The following SF3A1 variants were observed in gnomAD, a reference collection of about 807,000 sequenced individuals.
The protein encoded by SF3A1 is splicing factor 3a subunit 1.
Under a neutral mutation model 89.9 loss-of-function variants are expected in SF3A1, and 13 were observed. That is an observed-to-expected ratio of 0.14 (90% CI 0.09 to 0.23). SF3A1 has a LOEUF of 0.23. Ranked by LOEUF, SF3A1 falls within the 10% of genes least tolerant of loss-of-function variation. The pLI is 1.00. For missense variants in SF3A1, 604 were observed against 1,022.1 expected (o/e 0.59, Z 5.58); for synonymous variants, 405 against 374.4 (o/e 1.08, Z -0.94).
intron 11 of SF3A1, among the ~76,000 whole-genome samples, chr22:30,338,429 G>C (rs147044423): frequency 0.04 from 5,817 of 147,012 alleles, 329 homozygotes; most frequent in African/African-American, 0.14. Flanking sequence ...TTGCACTCCA[G>C]CCTGGGCGAC....
intron 6 of SF3A1, 144 bp downstream of exon 6, chr22:30,342,056 C>A (rs1403841034): frequency 8.3e-7 from 1 of 1,199,336 alleles, no homozygotes; most frequent in Non-Finnish European, 1.2e-6. Flanking sequence ...AGTGGTAGAA[C>A]TGAAGTCTTT....
chr22:30,351,983 A>G (rs1446684988), intron 2 of SF3A1, among the ~76,000 whole-genome samples: 1 of 152,238 alleles, frequency 6.6e-6, no homozygotes, highest in African/African-American at 2.4e-5. Context: ...ATGTGAGGGT[A>G]AGTACAGTGG....
chr22:30,347,652 C>G (rs1173693230), intron 2 of SF3A1, among the ~76,000 whole-genome samples: 1 of 152,178 alleles, frequency 6.6e-6, no homozygotes, highest in Non-Finnish European at 1.5e-5. Context: ...ATATACAACA[C>G]CTGTGTCAGT....
intron 2 of SF3A1, among the ~76,000 whole-genome samples, chr22:30,347,703 G>A (rs57907583): frequency 0.023 from 3,496 of 152,286 alleles, 143 homozygotes; most frequent in African/African-American, 0.08. Context: ...ATATGAACAC[G>A]TTCAAGTCTC....
intron 3 of SF3A1, among the ~76,000 whole-genome samples, chr22:30,346,005 C>T (rs1260431561): frequency 1.3e-5 from 2 of 152,116 alleles, no homozygotes; most frequent in Non-Finnish European, 2.9e-5. Context: ...CCCTCACACC[C>T]TGAGCAAGGC....
intron 13 of SF3A1, among the ~76,000 whole-genome samples, chr22:30,336,093 G>C (rs149466560): frequency 5.3e-5 from 8 of 152,146 alleles, no homozygotes; most frequent in African/African-American, 1.9e-4. Context: ...CAGCTAACAA[G>C]GTTTGTCTGA....
chr22:30,347,055 T>G (rs542189765), intron 2 of SF3A1, among the ~76,000 whole-genome samples: 7 of 152,052 alleles, frequency 4.6e-5, no homozygotes, highest in South Asian at 2.1e-4. Context: ...GTCCTCTGAG[T>G]AACAAGAAAG....
At chr22:30,340,904 T>A in intron 7 of SF3A1, 92 bp from the exon 8 acceptor site, 1 of 780,254 alleles carries the variant, frequency 1.3e-6, no homozygotes, top group Non-Finnish European at 2.2e-6. Context: ...CAAGGAGCCT[T>A]GGCCTCTGCC....
At chr22:30,341,573 CAG>C in intron 7 of SF3A1, 117 bp downstream of exon 7, 1 of 541,806 alleles carries the variant, frequency 1.8e-6, no homozygotes, top group Non-Finnish European at 3.2e-6. Flanking sequence ...TGGCCTTGTT[CAG>C]GACCCACGCC....
At chr22:30,336,971 G>T (rs111726482) in intron 13 of SF3A1, 55 bp downstream of exon 13, 1 of 1,605,362 alleles carries the variant, frequency 6.2e-7, no homozygotes, top group Admixed American at 1.7e-5. Context: ...TGTACGACAG[G>T]GGCGGGACTG....
At chr22:30,340,418 G>A (rs749014359) in intron 8 of SF3A1, 37 bp from the exon 9 acceptor site, 4 of 1,600,622 alleles carry the variant, frequency 2.5e-6, no homozygotes, top group Admixed American at 1.7e-5. Context: ...GAACACTGGT[G>A]GGCAGCCACC....
rs1930956551 is a variant in SF3A1 at position 30,332,850 on chromosome 22, A to G, written c.*1744T>C. The stretch of plus-strand genomic sequence containing the variant: ...CTGGCCTCCGGTCACAGCCTCAGCC[A>G]CGGAAGTCCTGCAGGGTTTGCCAGT... On this transcript the variant is annotated 3_prime_UTR_variant, in exon 16 of 16. Transcript: ENST00000215793. 6.6e-6 allele frequency: 1 copy of G among 152,266 alleles called. No homozygotes were observed. Among genetic ancestry groups the G allele is most frequent in the South Asian group, 2.1e-4 (1 of 4,836 alleles). The allele number at this position is 152,266 out of a possible 1,614,324, so 9.4% of individuals were successfully genotyped here.
At chr22:30,355,814 T>TCCC (rs1304859430) in intron 1 of SF3A1, among the ~76,000 whole-genome samples, 2 of 66,270 alleles carry the variant, frequency 3.0e-5, no homozygotes, top group Non-Finnish European at 5.5e-5. Flanking sequence ...TTCAGTCATG[T>TCCC]TCCCCCCCCC....
intron 11 of SF3A1, 51 bp from the exon 12 acceptor site, chr22:30,337,948 A>T: frequency 7.4e-7 from 1 of 1,353,128 alleles, no homozygotes; most frequent in Non-Finnish European, 1.0e-6. Context: ...TTGGACTCCA[A>T]GGTCACACAC....
chr22:30,340,390 A>G lies in SF3A1; in HGVS notation c.1190-9T>C, dbSNP rs757286253. 2 of 1,610,898 alleles carry G rather than the reference A, an allele frequency of 1.2e-6. No homozygotes were observed. Among genetic ancestry groups the G allele is most frequent in the African/African-American group, 2.7e-5 (2 of 74,664 alleles). On this transcript the variant is annotated splice_polypyrimidine_tract_variant and intron_variant, in intron 8 of 15. Coordinates refer to ENST00000215793, the MANE Select transcript of SF3A1 (RefSeq NM_005877.6). ...AGGCAAGGGCTTGGAGGCTAAAAGGAAACAGATGTTTCAGTAAGAACACTG... is the reference window on the plus strand; with the variant it reads ...AGGCAAGGGCTTGGAGGCTAAAAGGGAACAGATGTTTCAGTAAGAACACTG...
intron 2 of SF3A1, among the ~76,000 whole-genome samples, chr22:30,348,559 A>G (rs1931489329): frequency 6.6e-6 from 1 of 152,146 alleles, no homozygotes; most frequent in Admixed American, 6.5e-5. Context: ...CAGATCAACC[A>G]CCACAGCAAT....
At chr22:30,340,975 C>G (rs1181483677) in intron 7 of SF3A1, among the ~76,000 whole-genome samples, 163 bp from the exon 8 acceptor site, 1 of 152,186 alleles carries the variant, frequency 6.6e-6, no homozygotes, top group East Asian at 1.9e-4. Flanking sequence ...GCAGGCCAAG[C>G]TGCTTCCTCA....
In SF3A1 at chr22:30,334,796, A is replaced by G. The variant is rs1931017724; in HGVS notation, c.2281-101T>C. 4 of 757,224 alleles carry G rather than the reference A, an allele frequency of 5.3e-6. No homozygotes were observed. The Admixed American group carries it at 1.1e-4, about 21-fold the overall frequency. 46.9% of individuals were successfully genotyped at this position (757,224 alleles called of 1,614,324 possible). A position where few individuals can be genotyped will look rare whatever the true frequency, so the allele number is the denominator to read the frequency against. On this transcript the variant is annotated intron_variant, in intron 15 of 15. Coordinates refer to ENST00000215793, the MANE Select transcript of SF3A1 (RefSeq NM_005877.6). ...CTTGGTCTGTTTGCGCTCTGGACTTAGCAAATACAGGAGCTTGTGAGAAGG... is the reference window on the plus strand; with the variant it reads ...CTTGGTCTGTTTGCGCTCTGGACTTGGCAAATACAGGAGCTTGTGAGAAGG...
At chr22:30,347,800 A>G (rs967376336) in intron 2 of SF3A1, among the ~76,000 whole-genome samples, 1 of 152,176 alleles carries the variant, frequency 6.6e-6, no homozygotes, top group Admixed American at 6.5e-5. Context: ...TGCAGCTAAC[A>G]CCAGTTTCCC....
Sources: gnomAD v4.1 joint callset for allele counts (sites outside exome capture counted in the v4.1 genomes callset) on GRCh38, gnomAD v4.1.1 for gene constraint, MANE v1.5 for transcripts, NCBI Gene and HGNC (gene_info 2026-07-23, HGNC 2026-07-21) for gene names.